TYW1B: variants seen among roughly 807,000 people sequenced by gnomAD.
The protein encoded by TYW1B is tRNA-yW synthesizing protein 1 homolog B, also known as S-adenosyl-L-methionine-dependent tRNA 4-demethylwyosine synthase TYW1B.
In TYW1B, 73 loss-of-function variants were observed where a neutral mutation model predicts 86.9. The observed-to-expected ratio is 0.84, with a 90% CI of 0.70 to 1.02. The LOEUF is 1.02. TYW1B is among the 50% of genes least tolerant of loss of function. TYW1B has a pLI of 0.00. For missense variants in TYW1B, 637 were observed against 827.4 expected (o/e 0.77, Z 2.82); for synonymous variants, 248 against 292.8 (o/e 0.85, Z 1.56).
intron 7 of TYW1B, among the ~76,000 whole-genome samples, chr7:72,768,389 A>G (rs182596834): frequency 2.2e-4 from 34 of 152,298 alleles, no homozygotes; most frequent in Admixed American, 5.2e-4. Context: ...AAGTTTGGGG[A>G]CAATATGTTT....
chr7:72,789,106 C>G (rs1431306694), intron 6 of TYW1B, among the ~76,000 whole-genome samples: 1 of 151,904 alleles, frequency 6.6e-6, no homozygotes, highest in African/African-American at 2.4e-5. Context: ...GCTGAGATTA[C>G]AGGAATGAGC....
intron 13 of TYW1B, among the ~76,000 whole-genome samples, chr7:72,597,200 T>C (rs1433379981): frequency 3.3e-5 from 5 of 151,842 alleles, no homozygotes; most frequent in South Asian, 2.1e-4. Context: ...GATTAAAAGA[T>C]ACTACTAAAT....
At chr7:72,600,875 G>A (rs1213470699) in intron 13 of TYW1B, among the ~76,000 whole-genome samples, 9 of 151,960 alleles carry the variant, frequency 5.9e-5, no homozygotes, top group African/African-American at 1.9e-4. Flanking sequence ...AAAAAAAAAG[G>A]GCCGGGCGTG....
At chr7:72,739,327 C>G (rs1787258599) in intron 8 of TYW1B, among the ~76,000 whole-genome samples, 1 of 151,770 alleles carries the variant, frequency 6.6e-6, no homozygotes, top group Non-Finnish European at 1.5e-5. Flanking sequence ...AGAGAGGGGT[C>G]AGGCGCAGTG....
At chr7:72,810,712 T>A (rs1554478003) in intron 3 of TYW1B, 47 bp from the exon 4 acceptor site, 4 of 1,541,954 alleles carry the variant, frequency 2.6e-6, no homozygotes, top group Non-Finnish European at 2.6e-6. Context: ...AGGCATAAAT[T>A]ATCTCAACGA....
chr7:72,779,278 A>G (rs544165796), intron 6 of TYW1B, among the ~76,000 whole-genome samples: 4 of 152,356 alleles, frequency 2.6e-5, no homozygotes, highest in African/African-American at 9.6e-5. Context: ...CTAAAACAGA[A>G]AGGGGTATAC....
intron 11 of TYW1B, among the ~76,000 whole-genome samples, chr7:72,690,786 T>C (rs1554450193): frequency 1.3e-5 from 2 of 152,214 alleles, no homozygotes; most frequent in African/African-American, 4.8e-5. Context: ...TCGCTCTTGT[T>C]GACCAGACTG....
intron 13 of TYW1B, among the ~76,000 whole-genome samples, chr7:72,588,243 C>T (rs1554430803): frequency 6.6e-6 from 1 of 152,248 alleles, no homozygotes; most frequent in Non-Finnish European, 1.5e-5. Flanking sequence ...AAAAGTTTAT[C>T]TGGAAACTCA....
chr7:72,811,871 C>A (rs1788626452), intron 3 of TYW1B, among the ~76,000 whole-genome samples: 1 of 149,344 alleles, frequency 6.7e-6, no homozygotes, highest in East Asian at 2.0e-4. Flanking sequence ...ACAATCACAC[C>A]CCTGCACACT....
intron 11 of TYW1B, 101 bp downstream of exon 11, chr7:72,694,586 G>C (rs2129570275): frequency 7.5e-7 from 1 of 1,335,460 alleles, no homozygotes; most frequent in East Asian, 2.8e-5. Context: ...AGAGAAAAGA[G>C]GAAAAAGTAC....
Position 72,815,380 on chromosome 7 carries a change from C to G in TYW1B, c.237G>C (p.Glu79Asp), listed in dbSNP as rs782743220. ...EYDPDDHLIE[E>D]VTSKNVCVFL... ...ATTGAAGAAAAAGACAATTACCAAC[C>G]TCTTCTATCAGATGATCATCTGGAT... Residue 79 changes from glutamate to aspartate, a missense_variant and splice_region_variant, in exon 3 of 14, where the codon GAG becomes GAC. Coordinates refer to ENST00000620995, the MANE Select transcript of TYW1B (RefSeq NM_001145440.3). 51 of 1,581,822 alleles carry G rather than the reference C, an allele frequency of 3.2e-5. No homozygotes were observed. Among genetic ancestry groups the G allele is most frequent in the Non-Finnish European group, 3.2e-5 (37 of 1,169,234 alleles).
At chr7:72,811,572 T>C (rs577173787) in intron 3 of TYW1B, among the ~76,000 whole-genome samples, 236 of 151,966 alleles carry the variant, frequency 1.6e-3, no homozygotes, top group Middle Eastern at 6.8e-3. Flanking sequence ...TGTTCTCGGT[T>C]CATTACCATC....
At chr7:72,676,048 C>T (rs112921980) in intron 11 of TYW1B, among the ~76,000 whole-genome samples, 20 of 152,222 alleles carry the variant, frequency 1.3e-4, no homozygotes, top group African/African-American at 1.9e-4. Context: ...GTTCTGGAAA[C>T]GGTTATGGTT....
chr7:72,732,900 C>CA (rs1203762682), intron 8 of TYW1B, among the ~76,000 whole-genome samples: 1 of 151,032 alleles, frequency 6.6e-6, no homozygotes, highest in Non-Finnish European at 1.5e-5. Flanking sequence ...ATATCAGAAA[C>CA]AAAAAAAGAG....
At chr7:72,712,879 T>G (rs1554455046) in intron 10 of TYW1B, among the ~76,000 whole-genome samples, 4 of 152,150 alleles carry the variant, frequency 2.6e-5, no homozygotes, top group Non-Finnish European at 5.9e-5. Context: ...ACACATTCTG[T>G]GGTCTAAATA....
intron 10 of TYW1B, among the ~76,000 whole-genome samples, chr7:72,709,704 A>G (rs1266558997): frequency 6.6e-6 from 1 of 152,094 alleles, no homozygotes; most frequent in African/African-American, 2.4e-5. Context: ...CGTAACCTCT[A>G]TTTCCTAAGC....
At chr7:72,770,258 A>G (rs1787842423) in intron 7 of TYW1B, among the ~76,000 whole-genome samples, 1 of 151,404 alleles carries the variant, frequency 6.6e-6, no homozygotes, top group Admixed American at 6.6e-5. Context: ...GTGAAACCCC[A>G]TCTCTACTAA....
intron 13 of TYW1B, among the ~76,000 whole-genome samples, chr7:72,616,078 A>T (rs1255372471): frequency 6.6e-6 from 1 of 152,258 alleles, no homozygotes; most frequent in Non-Finnish European, 1.5e-5. Context: ...GAACTTCTCT[A>T]GAAAATTAGC....
At chr7:72,615,883 A>C (rs1233863381) in intron 13 of TYW1B, among the ~76,000 whole-genome samples, 1 of 152,138 alleles carries the variant, frequency 6.6e-6, no homozygotes, top group African/African-American at 2.4e-5. Context: ...GAATCAATAG[A>C]AACTACCCAA....
Sources: allele counts gnomAD v4.1 joint callset (sites outside exome capture counted in the v4.1 genomes callset), GRCh38; gene constraint gnomAD v4.1.1; transcripts MANE v1.5; gene names NCBI Gene and HGNC (gene_info 2026-07-23, HGNC 2026-07-21).